The following PHF11 variants were observed in gnomAD, a reference collection of about 807,000 sequenced individuals.
PHF11 encodes PHD finger protein 11.
A neutral mutation model predicts 40.5 loss-of-function variants in PHF11; 38 were observed. That is an observed-to-expected ratio of 0.94 (90% confidence interval 0.72 to 1.23). The LOEUF is 1.23. Ranked by LOEUF, PHF11 falls within the 50% of genes most tolerant of loss-of-function variation. The probability of loss-of-function intolerance (pLI) is 0.00; values close to 1 mark genes in which losing one functional copy is unlikely to be tolerated. For synonymous variants in PHF11, 127 were observed against 138.2 expected (o/e 0.92, Z 0.57); for missense variants, 369 against 392.4 (o/e 0.94, Z 0.50).
At chr13:49,521,969 T>C in intron 5 of PHF11, 74 bp from the exon 6 acceptor site, 3 of 736,124 alleles carry the variant, frequency 4.1e-6, no homozygotes, top group Admixed American at 4.7e-5. Context: ...GGCATATGAG[T>C]TGTATATTTC....
chr13:49,512,955 A>T, intron 2 of PHF11, 104 bp from the exon 3 acceptor site: 1 of 639,590 alleles, frequency 1.6e-6, no homozygotes, highest in South Asian at 1.9e-5. Flanking sequence ...CCCCCAGTCC[A>T]TTTCCCACTC....
intron 8 of PHF11, chr13:49,525,800 G>A (rs1365163403): frequency 4.4e-6 from 2 of 456,428 alleles, no homozygotes; most frequent in Non-Finnish European, 8.8e-6. Flanking sequence ...CAGTGTGCCT[G>A]AGAACCACCT....
chr13:49,528,498 C>A lies in PHF11; in HGVS notation c.842-13C>A, dbSNP rs1421555491. Reference sequence around the variant, plus strand: ...TGAATAAGCTGAAATAATTTTATTTCTTCTTTTCATAGCAATAGAGAAAAA... The same window carrying A: ...TGAATAAGCTGAAATAATTTTATTTATTCTTTTCATAGCAATAGAGAAAAA... On this transcript the variant is annotated splice_polypyrimidine_tract_variant and intron_variant, in intron 9 of 9. Transcript: ENST00000378319. The A allele has an allele frequency of 2.6e-6, 4 of 1,556,800 alleles. No individual in the cohort carries two copies. The highest frequency in any genetic ancestry group is 3.5e-6 in the Non-Finnish European group (4 of 1,144,664).
intron 1 of PHF11, chr13:49,497,346 C>T (rs779797690): frequency 4.3e-5 from 23 of 540,612 alleles, no homozygotes; most frequent in Non-Finnish European, 6.5e-5. Flanking sequence ...GTTTCCTCCA[C>T]TGTATTCAGG....
At chr13:49,513,399 C>T (rs1386047577) in intron 3 of PHF11, among the ~76,000 whole-genome samples, 1 of 148,918 alleles carries the variant, frequency 6.7e-6, no homozygotes, top group Non-Finnish European at 1.5e-5. Context: ...GACACGGTCT[C>T]AGCTCACTGC....
rs1594193293 is a variant in PHF11 at position 49,496,102 on chromosome 13, A to G, written c.94+7A>G. The G allele has an allele frequency of 1.6e-5, 6 of 378,984 alleles. No homozygotes were observed. The highest frequency in any genetic ancestry group is 2.3e-5 in the Non-Finnish European group (6 of 262,694). The allele number at this position is 378,984 out of a possible 1,614,324, so 23.5% of individuals were successfully genotyped here. ...GCGCTCCTCCTTCCCACCGGTGTGT[A>G]CCGCGGGGGCGGGCGGGCGGGCGGG... On this transcript the variant is annotated splice_region_variant and intron_variant, in intron 1 of 9. Coordinates refer to ENST00000378319, the MANE Select transcript of PHF11 (RefSeq NM_001040443.3).
chr13:49,506,894 A>ATTTAT, intron 2 of PHF11, 138 bp downstream of exon 2: 3 of 223,900 alleles, frequency 1.3e-5, no homozygotes, highest in Non-Finnish European at 2.3e-5. Flanking sequence ...ATTGGGGAGC[A>ATTTAT]TTTCTTTTTT....
At chr13:49,521,720 G>A (rs998613779) in intron 5 of PHF11, among the ~76,000 whole-genome samples, 3 of 152,098 alleles carry the variant, frequency 2.0e-5, no homozygotes, top group African/African-American at 7.2e-5. Context: ...GAGTGAAATT[G>A]AGTGCATTCC....
chr13:49,524,261 G>A (rs774294650), intron 8 of PHF11, 45 bp downstream of exon 8: 8 of 1,423,618 alleles, frequency 5.6e-6, no homozygotes, highest in Admixed American at 2.4e-5. Flanking sequence ...ACTTCTCCCA[G>A]ATCTAGATTT....
At chr13:49,523,082 A>G in intron 6 of PHF11, 93 bp from the exon 7 acceptor site, 2 of 879,400 alleles carry the variant, frequency 2.3e-6, no homozygotes, top group South Asian at 1.4e-5. Flanking sequence ...TTTTTACTGT[A>G]GGCATATCAT....
At chr13:49,521,009 T>C (rs989879176) in intron 5 of PHF11, 69 bp downstream of exon 5, 2 of 1,480,012 alleles carry the variant, frequency 1.4e-6, no homozygotes, top group African/African-American at 1.4e-5. Flanking sequence ...TAAGGAATAG[T>C]CTAATTTTCT....
At position 49,513,089 on chromosome 13, in the gene PHF11, G is replaced by C. The variant is rs1163431936; in HGVS notation, c.247G>C (p.Asp83His). 1 of 1,594,930 alleles carries C rather than the reference G, an allele frequency of 6.3e-7. No homozygotes were observed. The highest frequency in any genetic ancestry group is 8.6e-7 in the Non-Finnish European group (1 of 1,163,010). ...LYSSGLVECE[D>H]QDPLNPDRSF... ...TTCTTCAGGACTTGTGGAATGTGAG[G>C]ATCAGGATCCACTTAATCCTGATAG... Residue 83 changes from aspartate (D) to histidine (H), a missense_variant, in exon 3 of 10, where the codon GAT (aspartate) becomes CAT (histidine). By Grantham distance (81) the Asp-to-His change is moderately conservative (BLOSUM62 -1). Coordinates refer to ENST00000378319, the MANE Select transcript of PHF11 (RefSeq NM_001040443.3).
intron 1 of PHF11, among the ~76,000 whole-genome samples, chr13:49,496,829 C>CT (rs1958818949): frequency 2.1e-5 from 2 of 93,638 alleles, no homozygotes; most frequent in Non-Finnish European, 4.1e-5. Context: ...CTGGGCTTAC[C>CT]CTTTTTTTTT....
intron 1 of PHF11, among the ~76,000 whole-genome samples, chr13:49,505,112 TA>T (rs1225136028): frequency 6.5e-5 from 5 of 77,220 alleles, no homozygotes; most frequent in Non-Finnish European, 1.4e-4. Context: ...AAAAAATAAA[TA>T]AAAAAATAAT....
At chr13:49,498,416 C>A (rs116675837) in intron 1 of PHF11, among the ~76,000 whole-genome samples, 10 of 125,854 alleles carry the variant, frequency 7.9e-5, no homozygotes, top group South Asian at 5.5e-4. Context: ...AGTACATTTC[C>A]GGTAGATCAT....
At chr13:49,502,022 G>C (rs1958916198) in intron 1 of PHF11, among the ~76,000 whole-genome samples, 1 of 152,058 alleles carries the variant, frequency 6.6e-6, no homozygotes, top group East Asian at 2.0e-4. Flanking sequence ...AATTAAGGCA[G>C]GACATGGTGC....
At chr13:49,513,384 GCAGTGACACGGTCT>G (rs1959105037) in intron 3 of PHF11, among the ~76,000 whole-genome samples, 1 of 147,410 alleles carries the variant, frequency 6.8e-6, no homozygotes, top group Non-Finnish European at 1.5e-5. Flanking sequence ...AGGCTAGAGT[GCAGTGACACGGTCT>G]CAGCTCACTG....
At chr13:49,526,609 C>A (rs1183680794) in intron 9 of PHF11, 151 bp downstream of exon 9, 9 of 596,664 alleles carry the variant, frequency 1.5e-5, no homozygotes, top group Admixed American at 2.8e-5. Context: ...AACAGTATGA[C>A]CCCGCCCACC....
Position 49,507,369 on chromosome 13 carries a change from C to T in PHF11, c.216+613C>T, listed in dbSNP as rs576885181. Among the ~76,000 whole-genome samples, 3 of 152,190 alleles carry T rather than the reference C, an allele frequency of 2.0e-5. No individual in the cohort carries two copies. The South Asian group carries it at 6.2e-4, about 32-fold the overall frequency. On this transcript the variant is annotated intron_variant, in intron 2 of 9. Transcript: ENST00000378319. ...AGTCCTTCATTTTAAATATGATGTT[C>T]GATTTCATGACTATATTACCATTAA...
Sources: gnomAD v4.1 joint callset for allele counts (sites outside exome capture counted in the v4.1 genomes callset) on GRCh38, gnomAD v4.1.1 for gene constraint, MANE v1.5 for transcripts, NCBI Gene and HGNC (gene_info 2026-07-23, HGNC 2026-07-21) for gene names.